ATP8B2: variants seen among roughly 807,000 people sequenced by gnomAD.
ATP8B2 encodes the protein ATPase phospholipid transporting 8B2.
ATP8B2 carries 70 observed loss-of-function variants against 133.4 expected under a neutral mutation model. That is an observed-to-expected ratio of 0.52 (90% CI 0.43 to 0.64). The LOEUF is 0.64. ATP8B2 is among the 30% of genes least tolerant of loss of function. The pLI is 0.00. For missense variants in ATP8B2, 1,101 were observed against 1,535.7 expected, an observed-to-expected ratio of 0.72 and a Z score of 4.73; for synonymous variants, 517 against 589.5, an observed-to-expected ratio of 0.88 and a Z score of 1.78.
Position 154,331,788 on chromosome 1 carries a change from C to CT in ATP8B2, c.438+113dup. On this transcript the variant is annotated intron_variant, in intron 7 of 27. Transcript: ENST00000368489. This position sits in a 1 kb window ranked among gnomAD's most constrained non-coding sequence, Gnocchi z 4.8. ...CCTCTTAAACACCCGTGGCAGGAATCTTTCTCACACCAGGGGCTTCTGTGT... is the reference window on the plus strand; with the variant it reads ...CCTCTTAAACACCCGTGGCAGGAATCTTTTCTCACACCAGGGGCTTCTGTGT... 2 of 1,348,698 alleles carry CT rather than the reference C, an allele frequency of 1.5e-6. No individual in the cohort carries two copies. The highest frequency in any genetic ancestry group is 2.1e-6 in the Non-Finnish European group (2 of 942,090). 83.5% of individuals were successfully genotyped at this position (1,348,698 alleles called of 1,614,324 possible).
In ATP8B2 at chr1:154,351,080, TC is replaced by T. The variant is rs1249301041; in HGVS notation, c.*1963del. On this transcript the variant is annotated 3_prime_UTR_variant, in exon 28 of 28. Coordinates refer to ENST00000368489, the MANE Select transcript of ATP8B2 (RefSeq NM_001370597.1). ...ATACCAAAGAGGAAATGATTTTTTT[TC>T]ATATTTTGTTTGTCTATATTATATA... The T allele has an allele frequency of 2.0e-5, 3 of 148,008 alleles. No individual in the cohort carries two copies. Among genetic ancestry groups the T allele is most frequent in the African/African-American group, 7.4e-5 (3 of 40,628 alleles). 9.2% of individuals were successfully genotyped at this position (148,008 alleles called of 1,614,324 possible). A position where few individuals can be genotyped will look rare whatever the true frequency, so the allele number is the denominator to read the frequency against.
chr1:154,337,700 G>A (rs201727840), intron 12 of ATP8B2, 156 bp downstream of exon 12: 3 of 1,558,798 alleles, frequency 1.9e-6, no homozygotes, highest in Non-Finnish European at 2.6e-6. Context: ...TTTGTGGGCA[G>A]AGCAAACTTT....
intron 12 of ATP8B2, chr1:154,337,829 T>A: frequency 8.4e-7 from 1 of 1,197,418 alleles, no homozygotes; most frequent in Non-Finnish European, 1.1e-6. Context: ...CCATCACAAA[T>A]AAAAGATGAA....
chr1:154,330,518 C>T, intron 3 of ATP8B2, 64 bp downstream of exon 3: 1 of 1,561,142 alleles, frequency 6.4e-7, no homozygotes, highest in African/African-American at 1.4e-5. Flanking sequence ...GCAAGGACAA[C>T]CTACCGTTGG....
At chr1:154,327,660 C>A in intron 1 of ATP8B2, 1 of 809,950 alleles carries the variant, frequency 1.2e-6, no homozygotes, top group Non-Finnish European at 2.1e-6. Context: ...TGGAGCCTGC[C>A]CACCCTGTTT....
rs1686227291 is a variant in ATP8B2, at chr1:154,337,463, GT to G, written c.954del (p.Ser318ArgfsTer49). 2 of 1,614,216 alleles carry G rather than the reference GT, an allele frequency of 1.2e-6. No individual in the cohort carries two copies. Among genetic ancestry groups the G allele is most frequent in the Non-Finnish European group, 8.5e-7 (1 of 1,180,046 alleles). ...VYLPWDEAVDSAFFSGFLSFW... is the reference protein window; with the variant it reads ...VYLPWDEAVDXAFFSGFLSFW... ...CTGCCGTGGGATGAGGCAGTGGACAGTGCCTTCTTCTCTGGCTTCCTCTCCT... is the reference window on the plus strand; with the variant it reads ...CTGCCGTGGGATGAGGCAGTGGACAGGCCTTCTTCTCTGGCTTCCTCTCCT... On this transcript the variant is annotated frameshift_variant, in exon 12 of 28. Coordinates refer to ENST00000368489, the MANE Select transcript of ATP8B2 (RefSeq NM_001370597.1). LOFTEE classifies it high-confidence loss of function.
Position 154,345,353 on chromosome 1 carries a change from G to A in ATP8B2, c.2502G>A (p.Gln834=), listed in dbSNP as rs183857356. ...ACATTGGTGTGGGGATCAGTGGGCA[G>A]GAAGGGATCCAGGCTGTCTTGGCCT... ...TAHIGVGISG[Q]EGIQAVLASD... Residue 834 remains glutamine, a synonymous_variant, in exon 23 of 28, where the codon CAG becomes CAA. Transcript: ENST00000368489. The surrounding 1 kb of genome is among the most constrained non-coding windows in gnomAD (Gnocchi z 5.6). 5 of 1,614,168 alleles carry A rather than the reference G, an allele frequency of 3.1e-6. No individual in the cohort carries two copies. In the African/African-American group the frequency reaches 5.3e-5, roughly 17 times the overall value.
rs1307747031 is a variant in ATP8B2 at position 154,343,904 on chromosome 1, G to A, written c.1770G>A (p.Gly590=). 1 of 1,610,954 alleles carries A rather than the reference G, an allele frequency of 6.2e-7. No homozygotes were observed. Among genetic ancestry groups the A allele is most frequent in the Non-Finnish European group, 8.5e-7 (1 of 1,178,550 alleles). Residue 590 remains glycine (G), a synonymous_variant, in exon 18 of 28, where the codon GGG becomes GGA. Transcript: ENST00000368489. This position sits in a 1 kb window ranked among gnomAD's most constrained non-coding sequence, Gnocchi z 5.8. ...TTMDHLNEYA[G]EGLRTLVLAY... ...CACTCTGCCTCCAGGAGTACGCAGG[G>A]GAAGGGCTGAGGACCCTGGTGCTGG...
rs1233537536 is a variant in ATP8B2 at position 154,342,331 on chromosome 1, T to C, written c.1244-149T>C. 5 of 786,732 alleles carry C rather than the reference T, an allele frequency of 6.4e-6. No homozygotes were observed. The Admixed American group carries it at 1.1e-4, about 17-fold the overall frequency. 48.7% of individuals were successfully genotyped at this position (786,732 alleles called of 1,614,324 possible). On this transcript the variant is annotated intron_variant, in intron 13 of 27. Coordinates refer to ENST00000368489, the MANE Select transcript of ATP8B2 (RefSeq NM_001370597.1). ...CCTCCTATCCCGCGAGTCAGCAATG[T>C]GACTGAGTGACTCACACTGTGACAG...
At position 154,334,812 on chromosome 1, in the gene ATP8B2, A is replaced by T. The variant is rs901342581; in HGVS notation, c.837+221A>T. 4.6e-5 allele frequency among the ~76,000 whole-genome samples: 7 copies of T among 152,146 alleles called. No individual in the cohort carries two copies. Among genetic ancestry groups the T allele is most frequent in the Admixed American group, 2.0e-4 (3 of 15,274 alleles). The stretch of plus-strand genomic sequence containing the variant: ...GTGCATGAATCAACAACTTAAAGCT[A>T]AAACAAATCATCCCTTCTCTGATTC... On this transcript the variant is annotated intron_variant, in intron 11 of 27. Transcript: ENST00000368489. The surrounding 1 kb of genome is among the most constrained non-coding windows in gnomAD (Gnocchi z 4.6).
At chr1:154,329,971 G>T (rs1268681893) in intron 2 of ATP8B2, among the ~76,000 whole-genome samples, 2 of 152,124 alleles carry the variant, frequency 1.3e-5, no homozygotes, top group African/African-American at 4.8e-5. Context: ...GAGCAGTACC[G>T]CGACTAGATC....
Position 154,343,103 on chromosome 1 carries a change from C to T in ATP8B2, c.1454-10C>T. The T allele has an allele frequency of 8.1e-6, 13 of 1,609,480 alleles. No individual in the cohort carries two copies. The South Asian group carries it at 1.4e-4, about 18-fold the overall frequency. ...CACTTATATCACGTGTATTCTTCCT[C>T]CCCACCCAGGAGAGCTGTACTACAA... On this transcript the variant is annotated splice_polypyrimidine_tract_variant and intron_variant, in intron 15 of 27. Transcript: ENST00000368489. This position sits in a 1 kb window ranked among gnomAD's most constrained non-coding sequence, Gnocchi z 5.8.
At chr1:154,335,944 C>T (rs996519464) in intron 11 of ATP8B2, among the ~76,000 whole-genome samples, 3 of 147,646 alleles carry the variant, frequency 2.0e-5, no homozygotes, top group Non-Finnish European at 4.4e-5. Flanking sequence ...GAGGTTGAGG[C>T]AGGAAAATGG....
At chr1:154,337,587 C>A (rs750823507) in intron 12 of ATP8B2, 43 bp downstream of exon 12, 2 of 1,614,102 alleles carry the variant, frequency 1.2e-6, no homozygotes, top group South Asian at 2.2e-5. Context: ...GGGAGTCAGG[C>A]GGTCCCATAG....
rs1460057918 is a variant in ATP8B2 at position 154,344,544 on chromosome 1, A to G, written c.2141+44A>G. ...GGAGGCGGTGCTGTGCGTTGTGCCC[A>G]GGGCTCAGGTGGGGGTTTCTGGACC... On this transcript the variant is annotated intron_variant, in intron 20 of 27. Coordinates refer to ENST00000368489, the MANE Select transcript of ATP8B2 (RefSeq NM_001370597.1). This position sits in a 1 kb window ranked among gnomAD's most constrained non-coding sequence, Gnocchi z 4.1. 10 of 1,613,558 alleles carry G rather than the reference A, an allele frequency of 6.2e-6. No homozygotes were observed. Among genetic ancestry groups the G allele is most frequent in the South Asian group, 5.5e-5 (5 of 91,078 alleles).
In ATP8B2 at chr1:154,345,849, C is replaced by T. The variant is rs1193917651; in HGVS notation, c.2744C>T (p.Ser915Phe). 6.2e-7 allele frequency: 1 copy of T among 1,613,746 alleles called. No homozygotes were observed. Among genetic ancestry groups the T allele is most frequent in the East Asian group, 2.2e-5 (1 of 44,884 alleles). ...FITLYNIVYT[S>F]LPVLAMGVFD... ...ACCCTGTATAACATCGTGTACACCT[C>T]CCTGCCAGTCCTGGCTATGGGGGTC... is the stretch of plus-strand genomic sequence containing the variant. The change falls in exon 24 of 28, where the codon TCC becomes TTC. Residue 915 changes from serine (S) to phenylalanine (F), a missense_variant. By Grantham distance (155) the Ser-to-Phe change is radical (BLOSUM62 -2). Coordinates refer to ENST00000368489, the MANE Select transcript of ATP8B2 (RefSeq NM_001370597.1). This position sits in a 1 kb window ranked among gnomAD's most constrained non-coding sequence, Gnocchi z 5.6.
At position 154,346,219 on chromosome 1, in the gene ATP8B2, C is replaced by T; in HGVS notation, c.2779-12C>T. ...TCTGAGGCCCCCTATGCTACATGGT[C>T]CTCCCACACAGGATGTCCCCGAGCA... On this transcript the variant is annotated splice_polypyrimidine_tract_variant and intron_variant, in intron 24 of 27. Coordinates refer to ENST00000368489, the MANE Select transcript of ATP8B2 (RefSeq NM_001370597.1). The surrounding 1 kb of genome is among the most constrained non-coding windows in gnomAD (Gnocchi z 4.5). 6.2e-7 allele frequency: 1 copy of T among 1,612,156 alleles called. No individual in the cohort carries two copies. Among genetic ancestry groups the T allele is most frequent in the Non-Finnish European group, 8.5e-7 (1 of 1,179,270 alleles).
intron 12 of ATP8B2, chr1:154,338,692 G>C (rs929219656): frequency 3.6e-4 from 55 of 152,170 alleles, no homozygotes; most frequent in African/African-American, 1.3e-3. Context: ...AAACAAAAAA[G>C]TTTTTGAAGA....
intron 2 of ATP8B2, chr1:154,329,133 C>T (rs953602515): frequency 8.3e-7 from 1 of 1,204,128 alleles, no homozygotes; most frequent in Admixed American, 3.3e-5. Flanking sequence ...CCCTCCAATC[C>T]CTACATTCAC....
Sources: gnomAD v4.1 joint callset for allele counts (sites outside exome capture counted in the v4.1 genomes callset) on GRCh38, gnomAD v4.1.1 for gene constraint, Gnocchi (gnomAD v3.1) non-coding constraint, MANE v1.5 for transcripts, NCBI Gene and HGNC (gene_info 2026-07-23, HGNC 2026-07-21) for gene names.